The following GPC5 variants were observed in gnomAD, a reference collection of about 807,000 sequenced individuals.
The protein encoded by GPC5 is glypican 5.
In GPC5, 47 loss-of-function variants were observed where a neutral mutation model predicts 53.9. The ratio of observed to expected loss-of-function variants is 0.87; its 90% CI spans 0.69 to 1.11. The LOEUF (loss-of-function observed/expected upper bound fraction) is 1.11. Ranked by LOEUF, GPC5 falls within the 50% of genes most tolerant of loss-of-function variation. GPC5 has a pLI of 0.00. For synonymous variants in GPC5, 286 were observed against 263.3 expected (o/e 1.09, Z -0.84); for missense variants, 748 against 713.1 (o/e 1.05, Z -0.56).
In GPC5 at chr13:91,807,448, G is replaced by T. The variant is rs1189312747; in HGVS notation, c.1280+51028G>T. Among the ~76,000 whole-genome samples the T allele has an allele frequency of 5.9e-5, 9 of 152,096 alleles. 1 individual carries two copies. The East Asian group carries it at 1.7e-3, about 29-fold the overall frequency. ...AGAAGAATTTCTTTTCTAGATTAAT[G>T]GTTGTAAATGTCCCCAATCAAATGT... is the stretch of plus-strand genomic sequence containing the variant. On this transcript the variant is annotated intron_variant, in intron 5 of 7. Coordinates refer to ENST00000377067, the MANE Select transcript of GPC5 (RefSeq NM_004466.6).
chr13:91,571,911 T>TACAC, intron 2 of GPC5, among the ~76,000 whole-genome samples: 1 of 94,968 alleles, frequency 1.1e-5, no homozygotes. Flanking sequence ...ATATTGTATA[T>TACAC]ATACACATAT....
intron 7 of GPC5, among the ~76,000 whole-genome samples, chr13:92,166,271 C>T (rs2042026460): frequency 6.6e-6 from 1 of 152,186 alleles, no homozygotes; most frequent in Non-Finnish European, 1.5e-5. Context: ...GGAGGAAGTA[C>T]ACTGGAAATA....
intron 7 of GPC5, among the ~76,000 whole-genome samples, chr13:92,808,145 T>C (rs1441623422): frequency 2.6e-5 from 4 of 151,864 alleles, no homozygotes; most frequent in Non-Finnish European, 5.9e-5. Flanking sequence ...AAAGGAAAAA[T>C]AAACAAAACA....
chr13:91,660,459 T>C (rs1196333105), intron 2 of GPC5, among the ~76,000 whole-genome samples: 1 of 152,178 alleles, frequency 6.6e-6, no homozygotes. Context: ...CCAGTGAAGC[T>C]TGGAGATGAC....
rs572162864 is a variant in GPC5, at chr13:92,042,721, G to A, written c.1402-102109G>A. ...GAAAACAGGAAATTGTGACTCATGC[G>A]CAAGAAAAAAATCAGGCAATAAAAG... is the stretch of plus-strand genomic sequence containing the variant. On this transcript the variant is annotated intron_variant, in intron 6 of 7. Coordinates refer to ENST00000377067, the MANE Select transcript of GPC5 (RefSeq NM_004466.6). Among the ~76,000 whole-genome samples, 9 of 152,220 alleles carry A rather than the reference G, an allele frequency of 5.9e-5. No homozygotes were observed. In the South Asian group the frequency reaches 1.5e-3, roughly 25 times the overall value.
intron 3 of GPC5, among the ~76,000 whole-genome samples, chr13:91,703,640 A>G (rs72632631): frequency 0.075 from 11,480 of 152,156 alleles, 588 homozygotes; most frequent in East Asian, 0.32. Flanking sequence ...TGGCTTTTGT[A>G]TCAGGGTAAT....
At chr13:91,741,208 AT>A (rs1363389879) in intron 4 of GPC5, among the ~76,000 whole-genome samples, 99 of 152,304 alleles carry the variant, frequency 6.5e-4, no homozygotes, top group African/African-American at 2.3e-3. Context: ...CAAAATATAA[AT>A]TTTGAGTTTT....
intron 6 of GPC5, among the ~76,000 whole-genome samples, chr13:92,048,131 A>G (rs1218128782): frequency 6.6e-6 from 1 of 152,138 alleles, no homozygotes; most frequent in Non-Finnish European, 1.5e-5. Flanking sequence ...GGAGCCAAAT[A>G]ATCAAGGTTC....
At chr13:92,284,858 G>A (rs527712996) in intron 7 of GPC5, among the ~76,000 whole-genome samples, 10 of 152,016 alleles carry the variant, frequency 6.6e-5, no homozygotes, top group Non-Finnish European at 7.4e-5. Context: ...CTCTCACCAC[G>A]CCTATTCAAC....
chr13:91,973,835 T>C (rs555911439), intron 6 of GPC5, among the ~76,000 whole-genome samples: 15 of 152,268 alleles, frequency 9.9e-5, no homozygotes, highest in African/African-American at 3.1e-4. Context: ...GCCTGATCAT[T>C]CCTCTGGAAG....
chr13:91,850,569 G>C (rs978909640), intron 5 of GPC5, among the ~76,000 whole-genome samples: 1 of 152,054 alleles, frequency 6.6e-6, no homozygotes. Flanking sequence ...CAAACTTTTA[G>C]GGATGTCTCT....
At chr13:91,447,480 A>C in intron 1 of GPC5, among the ~76,000 whole-genome samples, 1 of 152,152 alleles carries the variant, frequency 6.6e-6, no homozygotes, top group East Asian at 1.9e-4. Flanking sequence ...AAAGTGTCAA[A>C]ATTCTGTCAT....
intron 4 of GPC5, among the ~76,000 whole-genome samples, chr13:91,736,258 C>A (rs1436891173): frequency 6.6e-6 from 1 of 151,150 alleles, no homozygotes; most frequent in Non-Finnish European, 1.5e-5. Context: ...CTTAACTGAA[C>A]CTTCTGTATC....
At chr13:92,202,102 T>C (rs1465256776) in intron 7 of GPC5, among the ~76,000 whole-genome samples, 2 of 152,228 alleles carry the variant, frequency 1.3e-5, no homozygotes, top group Non-Finnish European at 2.9e-5. Flanking sequence ...AAACATTAAG[T>C]GACATGATTC....
intron 2 of GPC5, among the ~76,000 whole-genome samples, chr13:91,530,023 C>T (rs1272542804): frequency 6.6e-6 from 1 of 152,110 alleles, no homozygotes; most frequent in Non-Finnish European, 1.5e-5. Context: ...TTCAGATAGC[C>T]AGTGTCTCAC....
In GPC5 at chr13:91,811,075, G is replaced by C. The variant is rs9523422; in HGVS notation, c.1280+54655G>C. Among the ~76,000 whole-genome samples, 773 of 151,724 alleles carry C rather than the reference G, an allele frequency of 5.1e-3. 2 individuals carry two copies. Among genetic ancestry groups the C allele is most frequent in the Non-Finnish European group, 8.6e-3 (584 of 67,812 alleles). ...TCTGCCTTCATTAAATTTCAAAATC[G>C]TTAAAACTGTCACAACTTCCTTAAA... is the stretch of plus-strand genomic sequence containing the variant. On this transcript the variant is annotated intron_variant, in intron 5 of 7. Transcript: ENST00000377067.
Position 91,693,337 on chromosome 13 carries a change from C to T in GPC5, c.476C>T (p.Pro159Leu). 1 of 1,614,098 alleles carries T rather than the reference C, an allele frequency of 6.2e-7. No individual in the cohort carries two copies. The highest frequency in any genetic ancestry group is 8.5e-7 in the Non-Finnish European group (1 of 1,180,016). Residue 159 changes from proline (P) to leucine (L), a missense_variant, in exon 3 of 8, where the codon CCT becomes CTT. By Grantham distance (98) the Pro-to-Leu change is moderately conservative. Coordinates refer to ENST00000377067, the MANE Select transcript of GPC5 (RefSeq NM_004466.6). ...GLYLFGADVNPEEFVNRFFDS... is the reference protein window; with the variant it reads ...GLYLFGADVNLEEFVNRFFDS... ...TATTTATTTGGTGCGGATGTTAATC[C>T]TGAAGAATTTGTAAACAGATTTTTT...
At chr13:92,666,297 A>T (rs1327980279) in intron 7 of GPC5, among the ~76,000 whole-genome samples, 1 of 152,132 alleles carries the variant, frequency 6.6e-6, no homozygotes, top group Admixed American at 6.6e-5. Context: ...TTTACTGTGT[A>T]TTGTAAATGA....
rs535459509 is a variant in GPC5 at position 91,469,691 on chromosome 13, C to G, written c.325+20769C>G. Among the ~76,000 whole-genome samples, 175 of 152,242 alleles carry G rather than the reference C, an allele frequency of 1.1e-3. 1 individual carries two copies. Among genetic ancestry groups the G allele is most frequent in the Non-Finnish European group, 9.6e-4 (65 of 68,010 alleles). ...TAAAAACATACTCTCTTCTGATTTA[C>G]TGCACTCAGAATTTTGTAAACCTTT... On this transcript the variant is annotated intron_variant, in intron 2 of 7. Coordinates refer to ENST00000377067, the MANE Select transcript of GPC5 (RefSeq NM_004466.6).
Sources: allele counts gnomAD v4.1 joint callset (sites outside exome capture counted in the v4.1 genomes callset), GRCh38; gene constraint gnomAD v4.1.1; transcripts MANE v1.5; gene names NCBI Gene and HGNC (gene_info 2026-07-23, HGNC 2026-07-21).